The following MSI2 variants were observed in gnomAD, a reference collection of about 807,000 sequenced individuals.
The protein encoded by MSI2 is RNA-binding protein Musashi homolog 2.
MSI2 carries 17 observed loss-of-function variants against 45.6 expected under a neutral mutation model. The ratio of observed to expected loss-of-function variants is 0.37; its 90% confidence interval spans 0.26 to 0.56. MSI2 has a LOEUF of 0.56. Among genes scored for constraint, MSI2 ranks in the 20% least tolerant of loss-of-function variants. The probability of loss-of-function intolerance (pLI) is 0.77; values close to 1 mark genes in which losing one functional copy is unlikely to be tolerated. For synonymous variants in MSI2, 156 were observed against 158.2 expected (o/e 0.99, Z 0.11); for missense variants, 293 against 444.2 (o/e 0.66, Z 3.06).
At chr17:57,612,791 G>A (rs565522990) in intron 8 of MSI2, among the ~76,000 whole-genome samples, 170 of 152,348 alleles carry the variant, frequency 1.1e-3, no homozygotes, top group Non-Finnish European at 2.2e-3. Flanking sequence ...CCTAGGAACA[G>A]GCAGCAGGTT....
At chr17:57,521,949 T>A (rs1401303205) in intron 6 of MSI2, among the ~76,000 whole-genome samples, 1 of 152,226 alleles carries the variant, frequency 6.6e-6, no homozygotes, top group Non-Finnish European at 1.5e-5. Flanking sequence ...CCCACCCTTT[T>A]CAAGGCCAGA....
At chr17:57,369,545 C>G (rs1205959243) in intron 5 of MSI2, among the ~76,000 whole-genome samples, 1 of 152,162 alleles carries the variant, frequency 6.6e-6, no homozygotes, top group Non-Finnish European at 1.5e-5. Context: ...AGAAAGTATT[C>G]CATGGGGCAC....
intron 6 of MSI2, among the ~76,000 whole-genome samples, chr17:57,471,219 C>G (rs912129423): frequency 6.6e-6 from 1 of 151,324 alleles, no homozygotes; most frequent in African/African-American, 2.4e-5. Context: ...CAAGGTTTCT[C>G]GAATCAAGCT....
intron 8 of MSI2, among the ~76,000 whole-genome samples, chr17:57,605,500 C>T (rs1203074357): frequency 6.6e-6 from 1 of 152,164 alleles, no homozygotes; most frequent in African/African-American, 2.4e-5. Context: ...CGTGCTGCCA[C>T]CAGCGTCCCC....
chr17:57,465,735 T>A (rs1261527752), intron 6 of MSI2, among the ~76,000 whole-genome samples: 3 of 152,088 alleles, frequency 2.0e-5, no homozygotes, highest in South Asian at 2.1e-4. Flanking sequence ...TCTCCTGAAT[T>A]CCACCCTTCT....
intron 6 of MSI2, among the ~76,000 whole-genome samples, chr17:57,514,180 T>C (rs1374191436): frequency 6.6e-6 from 1 of 151,606 alleles, no homozygotes; most frequent in Non-Finnish European, 1.5e-5. Context: ...TTGAGAGTAA[T>C]AGCGCCTGAC....
intron 6 of MSI2, among the ~76,000 whole-genome samples, chr17:57,421,365 C>T (rs909946609): frequency 9.2e-5 from 14 of 152,222 alleles, no homozygotes; most frequent in Non-Finnish European, 1.8e-4. Flanking sequence ...GTATGTAGGG[C>T]GTGAACATGG....
At chr17:57,487,348 TGTC>T (rs1258337367) in intron 6 of MSI2, among the ~76,000 whole-genome samples, 1 of 152,220 alleles carries the variant, frequency 6.6e-6, no homozygotes, top group Non-Finnish European at 1.5e-5. Context: ...ACCTGGGAGT[TGTC>T]ATCTCCGTGC....
chr17:57,456,430 A>C (rs1175902925), intron 6 of MSI2, among the ~76,000 whole-genome samples: 1 of 152,170 alleles, frequency 6.6e-6, no homozygotes, highest in Non-Finnish European at 1.5e-5. Context: ...CAAGATGGTG[A>C]AACCCTGTCT....
At chr17:57,642,239 G>A (rs544650962) in intron 10 of MSI2, among the ~76,000 whole-genome samples, 6 of 152,340 alleles carry the variant, frequency 3.9e-5, no homozygotes, top group South Asian at 2.1e-4. Context: ...TCAAAGTGGT[G>A]AGACCTTTTG....
At chr17:57,595,031 T>A (rs1905143462) in intron 7 of MSI2, among the ~76,000 whole-genome samples, 1 of 152,190 alleles carries the variant, frequency 6.6e-6, no homozygotes, top group African/African-American at 2.4e-5. Flanking sequence ...GATAGTAGCC[T>A]TTTTTATTCT....
intron 5 of MSI2, chr17:57,267,221 C>T (rs1250601527): frequency 6.6e-6 from 1 of 152,332 alleles, no homozygotes; most frequent in Non-Finnish European, 1.5e-5. Context: ...TGTCTGCAGC[C>T]CTTTTCCACA....
In MSI2 at chr17:57,581,004, CTTTTTT is replaced by C. The variant is rs3059122; in HGVS notation, c.455-15843_455-15838del. ...CATGCCAGCCCCATGAGGTCAGCAT[CTTTTTT>C]TTTTTTTTTTTTTTTTTTTTGAGAC... On this transcript the variant is annotated intron_variant, in intron 7 of 13. Transcript: ENST00000284073. Among the ~76,000 whole-genome samples the C allele has an allele frequency of 5.6e-4, 37 of 66,504 alleles. 1 individual carries two copies. Among genetic ancestry groups the C allele is most frequent in the Admixed American group, 7.2e-4 (3 of 4,164 alleles). 43.6% of individuals were successfully genotyped at this position (66,504 alleles called of 152,430 possible). A position where few individuals can be genotyped will look rare whatever the true frequency, so the allele number is the denominator to read the frequency against.
At chr17:57,551,399 A>C (rs934208167) in intron 7 of MSI2, among the ~76,000 whole-genome samples, 2 of 152,082 alleles carry the variant, frequency 1.3e-5, no homozygotes, top group African/African-American at 4.8e-5. Context: ...TTGCTGCCGG[A>C]GGGAGGGCGG....
At chr17:57,593,610 T>C (rs1276852341) in intron 7 of MSI2, among the ~76,000 whole-genome samples, 6 of 149,456 alleles carry the variant, frequency 4.0e-5, no homozygotes, top group African/African-American at 1.5e-4. Flanking sequence ...CTTAATTAAA[T>C]TACATTTGCA....
At chr17:57,586,057 G>A (rs2088337852) in intron 7 of MSI2, among the ~76,000 whole-genome samples, 1 of 152,170 alleles carries the variant, frequency 6.6e-6, no homozygotes, top group African/African-American at 2.4e-5. Flanking sequence ...TTTCTCTCTC[G>A]CCAAGAACTA....
chr17:57,498,423 G>A (rs1444232608), intron 6 of MSI2, among the ~76,000 whole-genome samples: 6 of 152,262 alleles, frequency 3.9e-5, no homozygotes, highest in African/African-American at 1.4e-4. Context: ...CCCAGGAACT[G>A]CAGAGATGAG....
chr17:57,358,120 C>T (rs1340651227), intron 5 of MSI2, among the ~76,000 whole-genome samples: 1 of 152,100 alleles, frequency 6.6e-6, no homozygotes, highest in Non-Finnish European at 1.5e-5. Flanking sequence ...CAACTATTTG[C>T]CCTTAAAGAA....
At chr17:57,425,384 CTCA>C (rs1391382359) in intron 6 of MSI2, among the ~76,000 whole-genome samples, 2 of 152,232 alleles carry the variant, frequency 1.3e-5, no homozygotes, top group Non-Finnish European at 2.9e-5. Flanking sequence ...ATCCTCTCAT[CTCA>C]TCACCATGAG....
Sources: allele counts gnomAD v4.1 joint callset (sites outside exome capture counted in the v4.1 genomes callset), GRCh38; gene constraint gnomAD v4.1.1; transcripts MANE v1.5; gene names NCBI Gene and HGNC (gene_info 2026-07-23, HGNC 2026-07-21).